ALG13: variants seen among roughly 807,000 people sequenced by gnomAD.
ALG13 encodes UDP-N-acetylglucosamine transferase subunit ALG13.
Under a neutral mutation model 87.8 loss-of-function variants are expected in ALG13, and 11 were observed. That is an observed-to-expected ratio of 0.13 (90% confidence interval 0.08 to 0.21). The LOEUF (loss-of-function observed/expected upper bound fraction) is 0.21, where lower values mean the gene tolerates loss of function less well. Among genes scored for constraint, ALG13 ranks in the 10% least tolerant of loss-of-function variants. The probability of loss-of-function intolerance (pLI) is 1.00; values close to 1 mark genes in which losing one functional copy is unlikely to be tolerated. For missense variants in ALG13, 756 were observed against 866.1 expected (o/e 0.87, Z 1.60); for synonymous variants, 320 against 306.3 (o/e 1.04, Z -0.47).
intron 3 of ALG13, among the ~76,000 whole-genome samples, chrX:111,694,960 GGTTA>G (rs1936741938): frequency 9.0e-6 from 1 of 111,551 alleles, no homozygotes; most frequent in Admixed American, 9.5e-5. Flanking sequence ...ATTTTCTCTT[GGTTA>G]GTTTTTGTTT....
intron 23 of ALG13, 84 bp downstream of exon 23, chrX:111,736,963 C>T: frequency 1.3e-6 from 1 of 768,090 alleles, no homozygotes; most frequent in Admixed American, 3.7e-5. Context: ...TAATTACATA[C>T]CATTACTTTA....
chrX:111,704,312 A>G (rs1938378529), intron 3 of ALG13, among the ~76,000 whole-genome samples: 1 of 112,071 alleles, frequency 8.9e-6, no homozygotes, highest in Non-Finnish European at 1.9e-5. Flanking sequence ...ATTAGGTTAA[A>G]TAGAGTTACC....
chrX:111,721,158 CCTT>C (rs1457580646), intron 11 of ALG13, among the ~76,000 whole-genome samples: 3 of 27,661 alleles, frequency 1.1e-4, no homozygotes, highest in African/African-American at 1.4e-4. Context: ...CTTAATTCTT[CCTT>C]CTTCATAGAA....
intron 24 of ALG13, among the ~76,000 whole-genome samples, chrX:111,749,713 T>C (rs1944547893): frequency 9.0e-6 from 1 of 110,894 alleles, no homozygotes; most frequent in Non-Finnish European, 1.9e-5. Context: ...TGTGTCCCTA[T>C]GTATTTGGGT....
intron 10 of ALG13, among the ~76,000 whole-genome samples, chrX:111,719,706 A>G (rs993462186): frequency 3.6e-5 from 4 of 111,813 alleles, no homozygotes; most frequent in African/African-American, 9.8e-5. Context: ...CCTTCGAGCT[A>G]TAGGACTGAG....
chrX:111,734,741 T>A (rs760278636), intron 21 of ALG13, among the ~76,000 whole-genome samples: 5 of 111,560 alleles, frequency 4.5e-5, no homozygotes, highest in Admixed American at 9.6e-5. Context: ...AAACTATTGT[T>A]GGTCCTATGG....
intron 1 of ALG13, chrX:111,681,600 C>T: frequency 2.1e-6 from 2 of 951,568 alleles, no homozygotes; most frequent in Non-Finnish European, 2.6e-6. Context: ...CCGCGTCCTC[C>T]GCCCCTCCTT....
At chrX:111,755,515 A>G (rs1474560412) in intron 25 of ALG13, among the ~76,000 whole-genome samples, 1 of 112,458 alleles carries the variant, frequency 8.9e-6, no homozygotes, top group East Asian at 2.8e-4. Context: ...ATGGGAGAAA[A>G]GTTTTGCAAT....
At chrX:111,714,481 G>A (rs1359221628) in intron 8 of ALG13, among the ~76,000 whole-genome samples, 1 of 110,468 alleles carries the variant, frequency 9.1e-6, no homozygotes, top group Non-Finnish European at 1.9e-5. Context: ...AGAAGCAAGA[G>A]ACCCTTTGGG....
chrX:111,727,571 A>G (rs369257315), intron 17 of ALG13, 43 bp from the exon 18 acceptor site: 166 of 1,143,534 alleles, frequency 1.5e-4, no homozygotes, highest in Non-Finnish European at 1.8e-4. Context: ...ACAAGTTACT[A>G]TATTTCATCA....
intron 1 of ALG13, chrX:111,681,832 G>T: frequency 1.1e-6 from 1 of 871,305 alleles, no homozygotes; most frequent in Non-Finnish European, 1.4e-6. Flanking sequence ...ATCAAGTGAG[G>T]CAGAACGGGT....
chrX:111,693,696 T>C (rs1482887166), intron 3 of ALG13, among the ~76,000 whole-genome samples: 1 of 112,304 alleles, frequency 8.9e-6, no homozygotes, highest in East Asian at 2.8e-4. Flanking sequence ...CTTATTTTGA[T>C]TGACACTTGT....
intron 6 of ALG13, 72 bp downstream of exon 6, chrX:111,711,797 T>G: frequency 9.7e-7 from 1 of 1,025,936 alleles, no homozygotes; most frequent in Non-Finnish European, 1.3e-6. Flanking sequence ...TTCATTCAAC[T>G]GTATTATTTT....
At chrX:111,699,130 G>A (rs1483584941) in intron 3 of ALG13, among the ~76,000 whole-genome samples, 4 of 111,594 alleles carry the variant, frequency 3.6e-5, no homozygotes, top group Non-Finnish European at 7.5e-5. Flanking sequence ...ATTTTTTCAT[G>A]TACTTGTTTG....
At chrX:111,748,521 C>CT (rs1342231501) in intron 24 of ALG13, among the ~76,000 whole-genome samples, 3 of 111,563 alleles carry the variant, frequency 2.7e-5, no homozygotes, top group African/African-American at 9.8e-5. Context: ...TGTTTGAGTA[C>CT]TTTTTTCATG....
chrX:111,742,889 G>A (rs971621384), intron 23 of ALG13, among the ~76,000 whole-genome samples: 2 of 112,472 alleles, frequency 1.8e-5, no homozygotes, highest in Non-Finnish European at 3.8e-5. Context: ...TTTAGAAGAC[G>A]TTTCTATAAT....
At chrX:111,717,541 C>CT (rs773345817) in intron 8 of ALG13, among the ~76,000 whole-genome samples, 6,502 of 81,210 alleles carry the variant, frequency 0.08, 285 homozygotes, top group African/African-American at 0.1. Flanking sequence ...CTAAGTGTTC[C>CT]TTTTTTTTTT....
Position 111,684,998 on chromosome X carries a change from G to A in ALG13, c.278G>A (p.Gly93Glu), listed in dbSNP as rs759598704. ...AGCTGTTTGGAGACTCTGGAAAAAG[G>A]AAAGCCACTCGTAGTGGTTATAAAC... ...AGSCLETLEK[G>E]KPLVVVINEK... Residue 93 changes from glycine to glutamate, a missense_variant, in exon 3 of 27, where the codon GGA becomes GAA. Transcript: ENST00000394780. 2 of 1,207,708 alleles carry A rather than the reference G, an allele frequency of 1.7e-6. No homozygotes were observed. The highest frequency in any genetic ancestry group is 2.2e-6 in the Non-Finnish European group (2 of 894,089).
At chrX:111,737,805 T>TA (rs1200775251) in intron 23 of ALG13, among the ~76,000 whole-genome samples, 2 of 112,486 alleles carry the variant, frequency 1.8e-5, no homozygotes, top group Admixed American at 1.9e-4. Flanking sequence ...ATGAGGCACA[T>TA]AGTAGAAGGA....
Sources: allele counts gnomAD v4.1 joint callset (sites outside exome capture counted in the v4.1 genomes callset), GRCh38; gene constraint gnomAD v4.1.1; transcripts MANE v1.5; gene names NCBI Gene and HGNC (gene_info 2026-07-23, HGNC 2026-07-21).